NGFR: variants seen among roughly 807,000 people sequenced by gnomAD.
NGFR encodes nerve growth factor receptor, also known as tumor necrosis factor receptor superfamily member 16.
Under a neutral mutation model 43.2 loss-of-function variants are expected in NGFR, and 30 were observed. The ratio of observed to expected loss-of-function variants is 0.69; its 90% CI spans 0.52 to 0.94. The LOEUF (loss-of-function observed/expected upper bound fraction) is 0.94, where lower values mean the gene tolerates loss of function less well. Ranked by LOEUF, NGFR falls within the 40% of genes least tolerant of loss-of-function variation. NGFR has a pLI of 0.00. For synonymous variants in NGFR, 246 were observed against 259.6 expected, an observed-to-expected ratio of 0.95 and a Z score of 0.50; for missense variants, 529 against 602.5, an observed-to-expected ratio of 0.88 and a Z score of 1.28.
chr17:49,511,802 TG>T, intron 4 of NGFR, 89 bp from the exon 5 acceptor site: 1 of 1,409,650 alleles, frequency 7.1e-7, no homozygotes. Flanking sequence ...GCCATGCCCC[TG>T]GCCCTCACAC....
chr17:49,502,002 C>T, intron 1 of NGFR, 61 bp from the exon 2 acceptor site: 2 of 269,490 alleles, frequency 7.4e-6, no homozygotes, highest in South Asian at 4.6e-5. Context: ...CCGGAAGAAC[C>T]CCCCCCAACC....
chr17:49,509,135 C>T (rs1433183678), intron 3 of NGFR, among the ~76,000 whole-genome samples: 1 of 152,230 alleles, frequency 6.6e-6, no homozygotes, highest in Non-Finnish European at 1.5e-5. Context: ...GATGGCAGCC[C>T]CTCACTGCTG....
At chr17:49,500,133 T>C (rs1428812966) in intron 1 of NGFR, among the ~76,000 whole-genome samples, 1 of 151,918 alleles carries the variant, frequency 6.6e-6, no homozygotes, top group East Asian at 1.9e-4. Context: ...AGAGTTTCCC[T>C]GTATTGCAGC....
Position 49,506,672 on chromosome 17 carries a change from G to T in NGFR, c.568+14G>T. ...CCGAGTGCGAGGGTGAGTGCGGTTC[G>T]GGGGGCGGGGGGAGTGGGGGTGCGG... On this transcript the variant is annotated intron_variant, in intron 3 of 5. Coordinates refer to ENST00000172229, the MANE Select transcript of NGFR (RefSeq NM_002507.4). The T allele has an allele frequency of 7.2e-7, 1 of 1,396,496 alleles. No individual in the cohort carries two copies. Among genetic ancestry groups the T allele is most frequent in the South Asian group, 1.6e-5 (1 of 64,278 alleles). The allele number at this position is 1,396,496 out of a possible 1,614,324, so 86.5% of individuals were successfully genotyped here.
At chr17:49,510,705 G>GC (rs1270613618) in intron 4 of NGFR, 41 bp downstream of exon 4, 6 of 1,602,632 alleles carry the variant, frequency 3.7e-6, no homozygotes, top group Non-Finnish European at 5.1e-6. Flanking sequence ...GGAGATGTTT[G>GC]CCCTCAAGGA....
intron 3 of NGFR, among the ~76,000 whole-genome samples, chr17:49,508,165 G>T (rs1036698186): frequency 6.6e-6 from 1 of 152,250 alleles, no homozygotes; most frequent in Non-Finnish European, 1.5e-5. Context: ...GGCATCAGGC[G>T]CCAGGCAGAG....
At chr17:49,511,115 T>TAAA (rs34854378) in intron 4 of NGFR, 46 of 129,862 alleles carry the variant, frequency 3.5e-4, no homozygotes, top group African/African-American at 6.3e-4. Context: ...CCATTCTTTC[T>TAAA]AAAAAAAAAA....
At chr17:49,506,761 C>A in intron 3 of NGFR, 103 bp downstream of exon 3, 1 of 1,188,048 alleles carries the variant, frequency 8.4e-7, no homozygotes, top group Non-Finnish European at 1.1e-6. Flanking sequence ...GCCTGGCCTG[C>A]TGGGGCAGCT....
intron 3 of NGFR, 49 bp from the exon 4 acceptor site, chr17:49,510,363 G>C (rs376660558): frequency 2.1e-5 from 33 of 1,602,828 alleles, no homozygotes; most frequent in Non-Finnish European, 2.8e-5. Flanking sequence ...AGAGCTAAAA[G>C]GGAGGAGTGG....
At chr17:49,499,869 A>G (rs2584653) in intron 1 of NGFR, among the ~76,000 whole-genome samples, 24,057 of 152,060 alleles carry the variant, frequency 0.16, 2,572 homozygotes, top group East Asian at 0.43. Context: ...TTACAGGCGT[A>G]AGCCACCACG....
rs888234252 is a variant in NGFR, at chr17:49,512,158, C to G, written c.982+106C>G. On this transcript the variant is annotated intron_variant, in intron 5 of 5. Transcript: ENST00000172229. The surrounding 1 kb of genome is among the most constrained non-coding windows in gnomAD (Gnocchi z 5.2). ...ACTGTCGGGGGGGCGGCAGGGCTGG[C>G]TCAGCGGTGCCCCTGTAGATGGATG... 55 of 1,369,520 alleles carry G rather than the reference C, an allele frequency of 4.0e-5. No homozygotes were observed. The highest frequency in any genetic ancestry group is 5.3e-5 in the Non-Finnish European group (54 of 1,017,170). 84.8% of individuals were successfully genotyped at this position (1,369,520 alleles called of 1,614,324 possible). A position where few individuals can be genotyped will look rare whatever the true frequency, so the allele number is the denominator to read the frequency against.
At chr17:49,499,804 G>C (rs1227741714) in intron 1 of NGFR, among the ~76,000 whole-genome samples, 4 of 152,050 alleles carry the variant, frequency 2.6e-5, no homozygotes, top group African/African-American at 9.7e-5. Flanking sequence ...AGGCAGGATG[G>C]TCTCGATCTC....
In NGFR at chr17:49,506,569, A is replaced by C. The variant is rs765497368; in HGVS notation, c.479A>C (p.His160Pro). The C allele has an allele frequency of 1.9e-6, 3 of 1,611,104 alleles. No homozygotes were observed. Among genetic ancestry groups the C allele is most frequent in the Admixed American group, 3.3e-5 (2 of 59,922 alleles). ...PDGTYSDEANHVDPCLPCTVC... is the reference protein window; with the variant it reads ...PDGTYSDEANPVDPCLPCTVC... ...GGCACGTATTCCGACGAGGCCAACC[A>C]CGTGGACCCGTGCCTGCCCTGCACC... The change falls in exon 3 of 6, where the codon CAC becomes CCC. Residue 160 changes from histidine to proline, a missense_variant. Transcript: ENST00000172229.
intron 1 of NGFR, among the ~76,000 whole-genome samples, chr17:49,500,194 T>G (rs2071159556): frequency 6.6e-6 from 1 of 152,082 alleles, no homozygotes; most frequent in African/African-American, 2.4e-5. Context: ...TGGGAAGCCA[T>G]GAAGCTTTGC....
intron 2 of NGFR, among the ~76,000 whole-genome samples, chr17:49,503,717 G>A (rs193191299): frequency 2.0e-4 from 31 of 152,288 alleles, no homozygotes; most frequent in African/African-American, 6.3e-4. Flanking sequence ...TGCCTTTGCC[G>A]TCTTGCTTCA....
At chr17:49,499,639 G>T (rs1422258407) in intron 1 of NGFR, among the ~76,000 whole-genome samples, 3 of 152,086 alleles carry the variant, frequency 2.0e-5, no homozygotes, top group Non-Finnish European at 4.4e-5. Context: ...CCAGGCTGGA[G>T]TGCAGTGGCA....
Position 49,513,181 on chromosome 17 carries a change from C to T in NGFR, c.*172C>T. The T allele has an allele frequency of 1.5e-6, 1 of 658,254 alleles. No homozygotes were observed. Among genetic ancestry groups the T allele is most frequent in the South Asian group, 2.1e-5 (1 of 47,710 alleles). 40.8% of individuals were successfully genotyped at this position (658,254 alleles called of 1,614,324 possible). On this transcript the variant is annotated 3_prime_UTR_variant, in exon 6 of 6. Coordinates refer to ENST00000172229, the MANE Select transcript of NGFR (RefSeq NM_002507.4). ...AAAACCACAGCCCTGTCAGTGCAGCCCGTGTGGCCCCTTCACTTCTGACCA... is the reference window on the plus strand; with the variant it reads ...AAAACCACAGCCCTGTCAGTGCAGCTCGTGTGGCCCCTTCACTTCTGACCA...
intron 1 of NGFR, chr17:49,496,693 G>A (rs2071140386): frequency 6.6e-6 from 1 of 152,218 alleles, no homozygotes; most frequent in South Asian, 2.1e-4. Context: ...GCGCTCCGTG[G>A]GCTCCCGCGC....
At position 49,510,925 on chromosome 17, in the gene NGFR, A is replaced by C; in HGVS notation, c.821+261A>C. The C allele has an allele frequency of 6.3e-6, 3 of 475,584 alleles. No homozygotes were observed. In the South Asian group the frequency reaches 7.8e-5, roughly 12 times the overall value. The allele number at this position is 475,584 out of a possible 1,614,324, so 29.5% of individuals were successfully genotyped here. A position where few individuals can be genotyped will look rare whatever the true frequency, so the allele number is the denominator to read the frequency against. ...CACTCCCATGCCGCACCACTCCCTG[A>C]CTCCCCACCCCCAACTGCTTGTGTC... On this transcript the variant is annotated intron_variant, in intron 4 of 5. Transcript: ENST00000172229.
Sources: gnomAD v4.1 joint callset for allele counts (sites outside exome capture counted in the v4.1 genomes callset) on GRCh38, gnomAD v4.1.1 for gene constraint, Gnocchi (gnomAD v3.1) non-coding constraint, MANE v1.5 for transcripts, NCBI Gene and HGNC (gene_info 2026-07-23, HGNC 2026-07-21) for gene names.